The following TRABD2B variants were observed in gnomAD, a reference collection of about 807,000 sequenced individuals.
TRABD2B encodes metalloprotease TIKI2.
Under a neutral mutation model 40.1 loss-of-function variants are expected in TRABD2B, and 14 were observed. The ratio of observed to expected loss-of-function variants is 0.35; its 90% CI spans 0.23 to 0.55. The LOEUF is 0.55. Ranked by LOEUF, TRABD2B falls within the 20% of genes least tolerant of loss-of-function variation. TRABD2B has a pLI of 0.90. For missense variants in TRABD2B, 541 were observed against 648.6 expected, an observed-to-expected ratio of 0.83 and a Z score of 1.80; for synonymous variants, 263 against 277.0, an observed-to-expected ratio of 0.95 and a Z score of 0.50.
chr1:47,789,809 G>A (rs970613269), intron 4 of TRABD2B, among the ~76,000 whole-genome samples: 1 of 151,900 alleles, frequency 6.6e-6, no homozygotes, highest in Non-Finnish European at 1.5e-5. Context: ...CCCAAGCTCT[G>A]GTCCCCACCT....
intron 2 of TRABD2B, among the ~76,000 whole-genome samples, chr1:47,914,962 C>T (rs540770228): frequency 6.6e-6 from 1 of 152,336 alleles, no homozygotes; most frequent in South Asian, 2.1e-4. Flanking sequence ...CTTGCAGGAG[C>T]TCAGTCATGG....
chr1:47,973,682 C>G (rs942826859), intron 2 of TRABD2B, among the ~76,000 whole-genome samples: 4 of 152,212 alleles, frequency 2.6e-5, no homozygotes, highest in Non-Finnish European at 5.9e-5. Flanking sequence ...CACTCCTCCC[C>G]AGGTCAACCA....
intron 2 of TRABD2B, among the ~76,000 whole-genome samples, chr1:47,881,104 C>CA (rs1010116527): frequency 2.6e-5 from 4 of 152,192 alleles, no homozygotes; most frequent in Non-Finnish European, 5.9e-5. Context: ...CCTCCACAGC[C>CA]AAGAATCTGG....
In TRABD2B at chr1:47,764,165, G is replaced by C. The variant is rs927927400; in HGVS notation, c.*1737C>G. On this transcript the variant is annotated 3_prime_UTR_variant, in exon 7 of 7. Transcript: ENST00000606738. Reference sequence around the variant, plus strand: ...AAGATGGCACTGGGGCCAATTAGCTGCCATCAAGCCTGCCAGGGAAACCCA... The same window carrying C: ...AAGATGGCACTGGGGCCAATTAGCTCCCATCAAGCCTGCCAGGGAAACCCA... The C allele has an allele frequency of 6.6e-5, 10 of 152,280 alleles. No homozygotes were observed. The highest frequency in any genetic ancestry group is 1.0e-4 in the Non-Finnish European group (7 of 68,068). 9.4% of individuals were successfully genotyped at this position (152,280 alleles called of 1,614,324 possible).
chr1:47,811,165 G>A (rs936507652), intron 2 of TRABD2B, among the ~76,000 whole-genome samples: 1 of 152,120 alleles, frequency 6.6e-6, no homozygotes, highest in Non-Finnish European at 1.5e-5. Flanking sequence ...AAGAACGTGG[G>A]GGGAGCTGTG....
intron 2 of TRABD2B, among the ~76,000 whole-genome samples, chr1:47,842,318 T>C (rs990811174): frequency 3.9e-5 from 6 of 152,170 alleles, no homozygotes; most frequent in African/African-American, 1.4e-4. Context: ...CAGAGTTCGT[T>C]TGACCACCCC....
intron 2 of TRABD2B, among the ~76,000 whole-genome samples, chr1:47,951,466 C>A (rs1241870421): frequency 6.6e-6 from 1 of 152,176 alleles, no homozygotes; most frequent in African/African-American, 2.4e-5. Flanking sequence ...GGATGCCGTC[C>A]TCCCAGGGCC....
In TRABD2B at chr1:47,950,008, G is replaced by A. The variant is rs183305688; in HGVS notation, c.666+44026C>T. Among the ~76,000 whole-genome samples, 148 of 152,252 alleles carry A rather than the reference G, an allele frequency of 9.7e-4. 2 individuals are homozygous for A. Among genetic ancestry groups the A allele is most frequent in the African/African-American group, 2.7e-3 (113 of 41,544 alleles). On this transcript the variant is annotated intron_variant, in intron 2 of 6. Coordinates refer to ENST00000606738, the MANE Select transcript of TRABD2B (RefSeq NM_001194986.2). ...TAAAGAAAGGAGAGAGAGGTAGGCG[G>A]GGCACAGTGGCTCACGCCTGTAATC...
At chr1:47,857,356 T>C (rs1042203698) in intron 2 of TRABD2B, among the ~76,000 whole-genome samples, 7 of 152,178 alleles carry the variant, frequency 4.6e-5, no homozygotes, top group African/African-American at 1.7e-4. Flanking sequence ...GGTGCTCCTG[T>C]TTAGGCACAA....
At chr1:47,794,437 T>G in intron 4 of TRABD2B, 149 bp downstream of exon 4, 2 of 844,672 alleles carry the variant, frequency 2.4e-6, no homozygotes, top group African/African-American at 1.8e-5. Flanking sequence ...AGAACTGCCT[T>G]GGATCTCGGT....
intron 3 of TRABD2B, among the ~76,000 whole-genome samples, chr1:47,797,559 C>A (rs1008339186): frequency 2.6e-5 from 4 of 151,376 alleles, no homozygotes; most frequent in Admixed American, 1.3e-4. Context: ...ATTGGGGAGT[C>A]AAAAAAAATT....
At chr1:47,900,860 T>A (rs1280870759) in intron 2 of TRABD2B, among the ~76,000 whole-genome samples, 2 of 152,116 alleles carry the variant, frequency 1.3e-5, no homozygotes, top group Non-Finnish European at 2.9e-5. Flanking sequence ...TGGAGGGCCA[T>A]CCTGCTCTCT....
At chr1:47,825,200 A>G (rs1315000936) in intron 2 of TRABD2B, among the ~76,000 whole-genome samples, 1 of 152,176 alleles carries the variant, frequency 6.6e-6, no homozygotes, top group African/African-American at 2.4e-5. Flanking sequence ...AATTCTCACA[A>G]TAGCCATTTT....
intron 2 of TRABD2B, chr1:47,818,682 C>G (rs1645068192): frequency 6.6e-6 from 1 of 152,236 alleles, no homozygotes; most frequent in African/African-American, 2.4e-5. Flanking sequence ...GAGGCTGTCC[C>G]TCACCAGGGA....
intron 2 of TRABD2B, among the ~76,000 whole-genome samples, chr1:47,952,473 C>G (rs887808949): frequency 3.9e-5 from 6 of 152,166 alleles, no homozygotes; most frequent in African/African-American, 1.4e-4. Context: ...AGAAGAATGC[C>G]AGGCTACTTC....
At chr1:47,833,686 A>G (rs960154930) in intron 2 of TRABD2B, among the ~76,000 whole-genome samples, 5 of 152,230 alleles carry the variant, frequency 3.3e-5, no homozygotes, top group Non-Finnish European at 7.3e-5. Context: ...GCCACTTAGT[A>G]GATCTTCAGG....
intron 2 of TRABD2B, among the ~76,000 whole-genome samples, chr1:47,850,704 C>A (rs981868333): frequency 6.6e-6 from 1 of 152,134 alleles, no homozygotes; most frequent in African/African-American, 2.4e-5. Flanking sequence ...GAAGTGCAGA[C>A]GGGAGGGAGG....
At chr1:47,954,371 G>A (rs567353551) in intron 2 of TRABD2B, among the ~76,000 whole-genome samples, 84 of 152,204 alleles carry the variant, frequency 5.5e-4, no homozygotes, top group East Asian at 2.1e-3. Context: ...TATCCATTTG[G>A]GAGTCACTAC....
rs574161262 is a variant in TRABD2B at position 47,841,454 on chromosome 1, C to T, written c.667-39835G>A. 3.3e-5 allele frequency among the ~76,000 whole-genome samples: 5 copies of T among 152,334 alleles called. 1 individual carries two copies. The East Asian group carries it at 9.7e-4, about 29-fold the overall frequency. On this transcript the variant is annotated intron_variant, in intron 2 of 6. Coordinates refer to ENST00000606738, the MANE Select transcript of TRABD2B (RefSeq NM_001194986.2). ...CTGAATCCCTGAACTGTCACACAAC[C>T]CACCCCTATCTTCTTTCACTCACTC... is the stretch of plus-strand genomic sequence containing the variant.
Sources: gnomAD v4.1 joint callset for allele counts (sites outside exome capture counted in the v4.1 genomes callset) on GRCh38, gnomAD v4.1.1 for gene constraint, MANE v1.5 for transcripts, NCBI Gene and HGNC (gene_info 2026-07-23, HGNC 2026-07-21) for gene names.